IGF2BP3: variants seen among roughly 807,000 people sequenced by gnomAD.
IGF2BP3 encodes insulin-like growth factor 2 mRNA-binding protein 3.
Under a neutral mutation model 73.8 loss-of-function variants are expected in IGF2BP3, and 9 were observed. That is an observed-to-expected ratio of 0.12 (90% CI 0.07 to 0.21). The LOEUF is 0.21. Ranked by LOEUF, IGF2BP3 falls within the 10% of genes least tolerant of loss-of-function variation. The probability of loss-of-function intolerance (pLI) is 1.00; values close to 1 mark genes in which losing one functional copy is unlikely to be tolerated. For synonymous variants in IGF2BP3, 258 were observed against 256.7 expected, an observed-to-expected ratio of 1.01 and a Z score of -0.05; for missense variants, 542 against 714.0, an observed-to-expected ratio of 0.76 and a Z score of 2.75.
At chr7:23,416,683 G>C (rs934452539) in intron 3 of IGF2BP3, among the ~76,000 whole-genome samples, 1 of 152,156 alleles carries the variant, frequency 6.6e-6, no homozygotes, top group Non-Finnish European at 1.5e-5. Flanking sequence ...TATAAAAATT[G>C]TCCAGAACTG....
At chr7:23,313,735 C>G in intron 12 of IGF2BP3, 82 bp from the exon 13 acceptor site, 1 of 1,369,924 alleles carries the variant, frequency 7.3e-7, no homozygotes, top group South Asian at 1.3e-5. Context: ...GGCCCAAATC[C>G]AAGTGGGATA....
At chr7:23,419,507 C>T (rs1451001205) in intron 2 of IGF2BP3, among the ~76,000 whole-genome samples, 1 of 152,206 alleles carries the variant, frequency 6.6e-6, no homozygotes, top group Non-Finnish European at 1.5e-5. Flanking sequence ...CTGCTAACTA[C>T]ATTTTAAAAT....
intron 3 of IGF2BP3, among the ~76,000 whole-genome samples, chr7:23,374,616 G>A (rs960048774): frequency 1.3e-5 from 2 of 152,124 alleles, no homozygotes; most frequent in African/African-American, 4.8e-5. Flanking sequence ...TTAGGAGGAT[G>A]CAGTGAGCTA....
chr7:23,410,200 A>T (rs1254093117), intron 3 of IGF2BP3, among the ~76,000 whole-genome samples: 2 of 151,172 alleles, frequency 1.3e-5, no homozygotes, highest in African/African-American at 4.9e-5. Flanking sequence ...GATACAAAAG[A>T]AAAAAAAATA....
chr7:23,456,787 C>T (rs1188726549), intron 2 of IGF2BP3, among the ~76,000 whole-genome samples: 5 of 152,196 alleles, frequency 3.3e-5, no homozygotes, highest in African/African-American at 1.2e-4. Context: ...CAGTGGCTCA[C>T]GCCCGTAATC....
At chr7:23,424,253 C>T (rs895550676) in intron 2 of IGF2BP3, among the ~76,000 whole-genome samples, 1 of 152,102 alleles carries the variant, frequency 6.6e-6, no homozygotes. Context: ...AATCCCAGCA[C>T]TTTGGGAGGC....
intron 3 of IGF2BP3, among the ~76,000 whole-genome samples, chr7:23,388,372 T>C (rs1268107445): frequency 1.3e-5 from 2 of 152,176 alleles, no homozygotes; most frequent in Non-Finnish European, 2.9e-5. Context: ...GCCTACGTAT[T>C]CAACTGACAA....
At chr7:23,456,372 G>A (rs1020394984) in intron 2 of IGF2BP3, among the ~76,000 whole-genome samples, 1 of 152,008 alleles carries the variant, frequency 6.6e-6, no homozygotes, top group Non-Finnish European at 1.5e-5. Flanking sequence ...ACCTTCTTTT[G>A]GAAGCTAATT....
At position 23,347,820 on chromosome 7, in the gene IGF2BP3, T is replaced by C. The variant is rs371976344; in HGVS notation, c.684-86A>G. ...TCTGTAATTACCAAATGCAAAGTCATAGGGCTTCAGGGCAAAGCAGATGAC... is the reference window on the plus strand; with the variant it reads ...TCTGTAATTACCAAATGCAAAGTCACAGGGCTTCAGGGCAAAGCAGATGAC... On this transcript the variant is annotated intron_variant, in intron 6 of 14. Transcript: ENST00000258729. 1.7e-4 allele frequency: 263 copies of C among 1,534,838 alleles called. 1 individual carries two copies. The African/African-American group carries it at 2.9e-3, about 17-fold the overall frequency.
chr7:23,334,506 T>G (rs912992263), intron 10 of IGF2BP3, among the ~76,000 whole-genome samples: 6 of 152,224 alleles, frequency 3.9e-5, no homozygotes, highest in Non-Finnish European at 7.3e-5. Context: ...GAGACCTAGG[T>G]TGGAAAAGGC....
intron 3 of IGF2BP3, among the ~76,000 whole-genome samples, chr7:23,368,859 T>C (rs959261411): frequency 6.7e-6 from 1 of 150,268 alleles, no homozygotes; most frequent in African/African-American, 2.5e-5. Flanking sequence ...ATGGCGCCAT[T>C]GCACTCCAGC....
At chr7:23,418,941 A>G (rs760051229) in intron 2 of IGF2BP3, 117 bp from the exon 3 acceptor site, 12 of 639,908 alleles carry the variant, frequency 1.9e-5, no homozygotes, top group South Asian at 1.4e-4. Context: ...TTACAAACCA[A>G]TATCTATTAA....
chr7:23,311,498 C>G lies in IGF2BP3; in HGVS notation c.*864G>C, dbSNP rs1174742275. 1.3e-5 allele frequency: 2 copies of G among 152,366 alleles called. No homozygotes were observed. The highest frequency in any genetic ancestry group is 2.9e-5 in the Non-Finnish European group (2 of 68,024). The allele number at this position is 152,366 out of a possible 1,614,324, so 9.4% of individuals were successfully genotyped here. ...TTGTTAGTACCGTCAAAAACTTTCC[C>G]AACTATAAATGAAAGAATAAATGGT... On this transcript the variant is annotated 3_prime_UTR_variant, in exon 15 of 15. Transcript: ENST00000258729.
intron 2 of IGF2BP3, among the ~76,000 whole-genome samples, chr7:23,452,467 G>C (rs1021980018): frequency 6.6e-6 from 1 of 152,134 alleles, no homozygotes; most frequent in Non-Finnish European, 1.5e-5. Context: ...ATGCCTCAAA[G>C]TTACAAATAG....
intron 2 of IGF2BP3, among the ~76,000 whole-genome samples, chr7:23,467,318 G>C (rs1202816112): frequency 1.3e-5 from 2 of 152,202 alleles, no homozygotes; most frequent in Non-Finnish European, 1.5e-5. Context: ...CAGCACCAGA[G>C]AAATGCATAG....
chr7:23,470,212 C>G lies in IGF2BP3; in HGVS notation c.-102G>C. On this transcript the variant is annotated 5_prime_UTR_variant, in exon 1 of 15. Coordinates refer to ENST00000258729, the MANE Select transcript of IGF2BP3 (RefSeq NM_006547.3). ...CAGCTGGTTTTGTTCCCCTCGTCTT[C>G]TCGCCTTTAAAATACACAAACACAG... 1.1e-6 allele frequency: 1 copy of G among 917,916 alleles called. No homozygotes were observed. The highest frequency in any genetic ancestry group is 1.7e-6 in the Non-Finnish European group (1 of 605,296). 56.9% of individuals were successfully genotyped at this position (917,916 alleles called of 1,614,324 possible).
rs1784726276 is a variant in IGF2BP3, at chr7:23,342,083, G to A, written c.1184C>T (p.Pro395Leu). 1 of 1,588,652 alleles carries A rather than the reference G, an allele frequency of 6.3e-7. No individual in the cohort carries two copies. Among genetic ancestry groups the A allele is most frequent in the Non-Finnish European group, 8.5e-7 (1 of 1,172,180 alleles). Residue 395 changes from proline (P) to leucine (L), a missense_variant, in exon 10 of 15, where the codon CCT becomes CTT. This residue lies in a region of IGF2BP3 where 303 missense variants were observed against 472.1 expected (regional missense o/e 0.64). Transcript: ENST00000258729. ...PTSGPPSAMT[P>L]PYPQFEQSET... ...TCTTACCTCAAACTGCGGGTAGGGA[G>A]GAGTCATGGCTGAAGGGGGCCCTGA...
At chr7:23,359,897 G>A (rs1382622527) in intron 5 of IGF2BP3, among the ~76,000 whole-genome samples, 1 of 151,832 alleles carries the variant, frequency 6.6e-6, no homozygotes, top group African/African-American at 2.4e-5. Flanking sequence ...AAATAAATTT[G>A]TTTTATGACT....
At chr7:23,373,596 T>C (rs940796012) in intron 3 of IGF2BP3, among the ~76,000 whole-genome samples, 5 of 152,204 alleles carry the variant, frequency 3.3e-5, no homozygotes, top group Admixed American at 6.5e-5. Flanking sequence ...CCCTCATACA[T>C]TGCTGGATAA....
Sources: allele counts gnomAD v4.1 joint callset (sites outside exome capture counted in the v4.1 genomes callset), GRCh38; gene constraint gnomAD v4.1.1; regional missense constraint gnomAD v4.1.1; transcripts MANE v1.5; gene names NCBI Gene and HGNC (gene_info 2026-07-23, HGNC 2026-07-21).